The following CFAP61 variants were observed in gnomAD, a reference collection of about 807,000 sequenced individuals.
CFAP61 encodes cilia and flagella associated protein 61.
A neutral mutation model predicts 135.6 loss-of-function variants in CFAP61; 107 were observed. The observed-to-expected ratio is 0.79, with a 90% CI of 0.67 to 0.93. The LOEUF is 0.93. CFAP61 is among the 40% of genes least tolerant of loss of function. The pLI, the probability that CFAP61 is intolerant of heterozygous loss-of-function variation, is 0.00. For missense variants in CFAP61, 1,507 were observed against 1,556.2 expected (o/e 0.97, Z 0.53); for synonymous variants, 575 against 578.5 (o/e 0.99, Z 0.09).
chr20:20,072,855 A>G, intron 3 of CFAP61, among the ~76,000 whole-genome samples: 1 of 152,242 alleles, frequency 6.6e-6, no homozygotes, highest in East Asian at 1.9e-4. Flanking sequence ...ACTTGTTAAA[A>G]TGATATAATT....
Position 20,228,294 on chromosome 20 carries a change from C to A in CFAP61, c.1978C>A (p.Pro660Thr), listed in dbSNP as rs2048887438. ...TACAAACAGAAAACTAACATTGGAA[C>A]CTAAAATTACTGTCAATGCCAAGAT... ...NHTNRKLTLEPKITVNAKIIV... is the reference protein window; with the variant it reads ...NHTNRKLTLETKITVNAKIIV... The change falls in exon 18 of 27, where the codon CCT (proline) becomes ACT (threonine). Residue 660 changes from proline (P) to threonine (T), a missense_variant. Pro to Thr is a conservative substitution (Grantham distance 38, BLOSUM62 -1). Transcript: ENST00000245957. 1 of 1,610,758 alleles carries A rather than the reference C, an allele frequency of 6.2e-7. No individual in the cohort carries two copies. The highest frequency in any genetic ancestry group is 1.1e-5 in the South Asian group (1 of 90,814).
chr20:20,229,341 T>G (rs1380681840), intron 18 of CFAP61, among the ~76,000 whole-genome samples: 1 of 152,220 alleles, frequency 6.6e-6, no homozygotes, highest in Non-Finnish European at 1.5e-5. Context: ...TCATTTATTT[T>G]TTAAAAAGTT....
At chr20:20,185,819 A>G (rs2055455082) in intron 13 of CFAP61, among the ~76,000 whole-genome samples, 1 of 152,164 alleles carries the variant, frequency 6.6e-6, no homozygotes, top group Admixed American at 6.5e-5. Context: ...ATTGTTAGAC[A>G]CCTATACATA....
intron 17 of CFAP61, among the ~76,000 whole-genome samples, chr20:20,223,296 G>T (rs553299123): frequency 6.6e-6 from 1 of 152,110 alleles, no homozygotes; most frequent in Non-Finnish European, 1.5e-5. Flanking sequence ...TTTTATACCC[G>T]AGGAAACTGA....
At chr20:20,098,114 G>C (rs1394778579) in intron 7 of CFAP61, among the ~76,000 whole-genome samples, 1 of 152,112 alleles carries the variant, frequency 6.6e-6, no homozygotes, top group Non-Finnish European at 1.5e-5. Context: ...AAGAACTCTG[G>C]CAATTTCCCT....
chr20:20,108,121 A>G (rs181146775), intron 8 of CFAP61, among the ~76,000 whole-genome samples: 37 of 152,308 alleles, frequency 2.4e-4, no homozygotes, highest in Admixed American at 2.0e-3. Flanking sequence ...AATTGTAAAT[A>G]TGCATTGTAA....
At chr20:20,133,620 AAAG>A (rs540674606) in intron 8 of CFAP61, among the ~76,000 whole-genome samples, 57 of 152,316 alleles carry the variant, frequency 3.7e-4, no homozygotes, top group African/African-American at 1.3e-3. Context: ...TCACACACAA[AAAG>A]AAGAATGCTG....
At chr20:20,129,331 G>C (rs1356222531) in intron 8 of CFAP61, among the ~76,000 whole-genome samples, 1 of 151,766 alleles carries the variant, frequency 6.6e-6, no homozygotes, top group Middle Eastern at 3.2e-3. Context: ...GGACAAGTTT[G>C]CTGGATACAG....
At chr20:20,311,672 T>A (rs1017115376) in intron 25 of CFAP61, among the ~76,000 whole-genome samples, 2 of 151,468 alleles carry the variant, frequency 1.3e-5, no homozygotes, top group African/African-American at 4.9e-5. Context: ...CAGGACAGAG[T>A]ACTGGAGAGG....
intron 8 of CFAP61, among the ~76,000 whole-genome samples, chr20:20,131,199 C>A (rs573620039): frequency 2.0e-5 from 3 of 151,656 alleles, no homozygotes; most frequent in Admixed American, 1.3e-4. Flanking sequence ...CTGGTAATAA[C>A]CTGGGTGCTG....
intron 26 of CFAP61, among the ~76,000 whole-genome samples, chr20:20,349,756 T>C (rs2058763529): frequency 6.6e-6 from 1 of 152,202 alleles, no homozygotes; most frequent in African/African-American, 2.4e-5. Context: ...ACTACCTAAA[T>C]AAATGGGACA....
chr20:20,263,015 C>T lies in CFAP61; in HGVS notation c.2388C>T (p.Asn796=), dbSNP rs537261036. 288 of 1,613,950 alleles carry T rather than the reference C, an allele frequency of 1.8e-4. 2 individuals carry two copies. The Middle Eastern group carries it at 6.1e-3, about 34-fold the overall frequency. Residue 796 remains asparagine (N), a synonymous_variant, in exon 21 of 27, where the codon AAC becomes AAT. Transcript: ENST00000245957. ...SQHLTNREVP[N]SSQRRYTGKV... ...ACCTGACAAACAGGGAGGTTCCCAA[C>T]AGCAGTCAGCGGCGGTACACGGGGA...
intron 20 of CFAP61, among the ~76,000 whole-genome samples, chr20:20,261,058 G>A (rs2052147637): frequency 6.6e-6 from 1 of 152,126 alleles, no homozygotes; most frequent in African/African-American, 2.4e-5. Context: ...TGCAATTTTG[G>A]TTACAGTAAA....
At chr20:20,146,475 G>A (rs2051894956) in intron 9 of CFAP61, among the ~76,000 whole-genome samples, 1 of 152,176 alleles carries the variant, frequency 6.6e-6, no homozygotes, top group Non-Finnish European at 1.5e-5. Context: ...CTTTTCTAAA[G>A]ATTTCAGACA....
chr20:20,265,499 G>GT, intron 21 of CFAP61: 2 of 779,632 alleles, frequency 2.6e-6, no homozygotes, highest in Middle Eastern at 2.3e-4. Flanking sequence ...AAAGGGAAAT[G>GT]TTTTTTCAAG....
At chr20:20,104,922 A>ACCTGTAACTTT (rs1225372185) in intron 8 of CFAP61, among the ~76,000 whole-genome samples, 2 of 152,156 alleles carry the variant, frequency 1.3e-5, no homozygotes, top group Non-Finnish European at 2.9e-5. Context: ...ATTAGGGCTC[A>ACCTGTAACTTT]CCTGTAACTT....
At chr20:20,170,034 T>C (rs2146823667) in intron 13 of CFAP61, among the ~76,000 whole-genome samples, 1 of 152,348 alleles carries the variant, frequency 6.6e-6, no homozygotes, top group South Asian at 2.1e-4. Context: ...GTAGACATGG[T>C]CCCTGCCTTT....
chr20:20,269,406 C>T (rs774435952), intron 21 of CFAP61, among the ~76,000 whole-genome samples: 15 of 151,938 alleles, frequency 9.9e-5, no homozygotes, highest in Non-Finnish European at 1.8e-4. Context: ...GAATCTTGCT[C>T]TGCCATCCAG....
chr20:20,228,554 A>AGCCCTGAG (rs2048904715), intron 18 of CFAP61, 178 bp downstream of exon 18: 1 of 507,930 alleles, frequency 2.0e-6, no homozygotes, highest in Admixed American at 3.1e-5. Flanking sequence ...AGCAAACTAT[A>AGCCCTGAG]GCCCTGAGGC....
Sources: gnomAD v4.1 joint callset for allele counts (sites outside exome capture counted in the v4.1 genomes callset) on GRCh38, gnomAD v4.1.1 for gene constraint, MANE v1.5 for transcripts, NCBI Gene and HGNC (gene_info 2026-07-23, HGNC 2026-07-21) for gene names.